Variants in SNURF observed in about 807,000 individuals in gnomAD.
SNURF encodes the protein SNRPN upstream open reading frame.
SNURF carries 6 observed loss-of-function variants against 11.6 expected under a neutral mutation model. That is an observed-to-expected ratio of 0.52 (90% CI 0.28 to 1.02). SNURF has a LOEUF of 1.02. SNURF is among the 50% of genes least tolerant of loss of function. SNURF has a pLI of 0.09. For synonymous variants in SNURF, 29 were observed against 31.6 expected, an observed-to-expected ratio of 0.92 and a Z score of 0.27; for missense variants, 84 against 88.4, an observed-to-expected ratio of 0.95 and a Z score of 0.20.
At chr15:24,972,071 C>T (rs576397969), downstream of SNURF, among the ~76,000 whole-genome samples, 5 of 151,978 alleles carry the variant, frequency 3.3e-5, no homozygotes, top group South Asian at 2.1e-4. Flanking sequence ...GCCTGGCCAA[C>T]GTAGCGAAAT....
intron 3 of SNURF, chr15:24,975,316 G>T (rs1276359990): frequency 6.4e-7 from 1 of 1,560,512 alleles, no homozygotes; most frequent in Admixed American, 1.7e-5. Flanking sequence ...GAAGACTAGG[G>T]TGTTGGCAAG....
chr15:24,963,133 C>T (rs28405709), intron 2 of SNURF, among the ~76,000 whole-genome samples: 5 of 152,086 alleles, frequency 3.3e-5, no homozygotes, highest in Non-Finnish European at 7.4e-5. Flanking sequence ...TGTGTGCATA[C>T]GACACCGTGC....
In SNURF at chr15:24,955,066, A is replaced by G; in HGVS notation, c.14+4A>G. The stretch of plus-strand genomic sequence containing the variant: ...GTGACGCGATGGAGCGGGCAAGGTC[A>G]GCTGTGCCGGTGGCTTCTCTCAAGA... On this transcript the variant is annotated splice_donor_region_variant and intron_variant, in intron 1 of 2. Transcript: ENST00000577949. 6.2e-7 allele frequency: 1 copy of G among 1,613,558 alleles called. No homozygotes were observed. Among genetic ancestry groups the G allele is most frequent in the Non-Finnish European group, 8.5e-7 (1 of 1,180,026 alleles).
chr15:24,965,013 T>C lies in SNURF; in HGVS notation c.110+2804T>C, dbSNP rs912162909. ...AGAGTTAGGGAAATAGTATAATTTT[T>C]CCCCCTTGTGCGTTTTCATTTTGAG... is the stretch of plus-strand genomic sequence containing the variant. On this transcript the variant is annotated intron_variant, in intron 2 of 2. Transcript: ENST00000577949. Among the ~76,000 whole-genome samples the C allele has an allele frequency of 9.2e-5, 14 of 152,254 alleles. No individual in the cohort carries two copies. The South Asian group carries it at 2.3e-3, about 25-fold the overall frequency.
At chr15:24,977,026 G>A in exon 6 of SNURF, 2 of 1,566,620 alleles carry the variant, frequency 1.3e-6, no homozygotes, top group Non-Finnish European at 1.7e-6. Flanking sequence ...GACCATCCCA[G>A]CAGGTGAGGA....
At chr15:24,958,131 T>G (rs2063217343) in intron 1 of SNURF, among the ~76,000 whole-genome samples, 1 of 152,220 alleles carries the variant, frequency 6.6e-6, no homozygotes, top group South Asian at 2.1e-4. Context: ...GCCGAAATGT[T>G]TTCCACATTT....
downstream of SNURF, among the ~76,000 whole-genome samples, chr15:24,969,231 T>C (rs2076086645): frequency 6.6e-6 from 1 of 152,162 alleles, no homozygotes; most frequent in South Asian, 2.1e-4. Context: ...CAGGTTCAAC[T>C]GATTTTCCTG....
intron 3 of SNURF, chr15:24,974,193 AG>A: frequency 2.0e-6 from 1 of 501,464 alleles, no homozygotes; most frequent in Admixed American, 3.4e-5. Context: ...TGAGGAAGCT[AG>A]TATGAGAGGA....
chr15:24,978,444 G>C, downstream of SNURF: 1 of 1,613,244 alleles, frequency 6.2e-7, no homozygotes, highest in Non-Finnish European at 8.5e-7. Flanking sequence ...CAAGACCTTA[G>C]CATACTGTTG....
chr15:24,966,871 C>T (rs934863467), intron 2 of SNURF, among the ~76,000 whole-genome samples: 1 of 152,156 alleles, frequency 6.6e-6, no homozygotes, highest in Non-Finnish European at 1.5e-5. Flanking sequence ...GCTGTCATTT[C>T]CTGTATGTCT....
intron 2 of SNURF, among the ~76,000 whole-genome samples, chr15:24,966,717 C>G (rs1362043922): frequency 1.3e-5 from 2 of 152,104 alleles, no homozygotes; most frequent in African/African-American, 4.8e-5. Flanking sequence ...GAACCAGGAG[C>G]AAAGGCCAGT....
chr15:24,971,719 A>G (rs1457187969), downstream of SNURF, among the ~76,000 whole-genome samples: 1 of 152,106 alleles, frequency 6.6e-6, no homozygotes, highest in Admixed American at 6.6e-5. Context: ...AAAAATTCCA[A>G]CCTCTGGCAT....
chr15:24,966,952 A>G (rs1003451290), intron 2 of SNURF: 9 of 152,122 alleles, frequency 5.9e-5, no homozygotes, highest in African/African-American at 2.2e-4. Flanking sequence ...TTTGTCTGGA[A>G]TTCCCTGCTT....
intron 4 of SNURF, among the ~76,000 whole-genome samples, chr15:24,976,051 A>G (rs2077023389): frequency 1.3e-5 from 2 of 152,230 alleles, no homozygotes; most frequent in Admixed American, 1.3e-4. Flanking sequence ...TATTTCACAA[A>G]AGAAATTAGT....
At chr15:24,969,079 C>T (rs188825203), downstream of SNURF, among the ~76,000 whole-genome samples, 610 of 152,016 alleles carry the variant, frequency 4.0e-3, 3 homozygotes, top group African/African-American at 0.014. Flanking sequence ...AAGTATTATC[C>T]TTCAACTTGA....
chr15:24,966,693 A>T (rs1398379971), intron 2 of SNURF, among the ~76,000 whole-genome samples: 1 of 152,206 alleles, frequency 6.6e-6, no homozygotes, highest in African/African-American at 2.4e-5. Flanking sequence ...TAGGATGTAT[A>T]GGTTACTTCC....
intron 3 of SNURF, chr15:24,974,170 G>A (rs1463599028): frequency 2.2e-6 from 1 of 447,514 alleles, no homozygotes; most frequent in African/African-American, 2.0e-5. Flanking sequence ...AGGGAAATGT[G>A]GCAGTCCCTT....
downstream of SNURF, chr15:24,977,997 C>G (rs987682859): frequency 1.4e-6 from 2 of 1,382,902 alleles, no homozygotes; most frequent in South Asian, 2.8e-5. Context: ...GCCTGAGAGC[C>G]TAAGAATTTG....
chr15:24,956,394 G>T (rs1320971248), intron 1 of SNURF, among the ~76,000 whole-genome samples: 3 of 151,060 alleles, frequency 2.0e-5, no homozygotes, highest in Non-Finnish European at 4.4e-5. Context: ...CCGCCAGTGG[G>T]GAGGGGGCAG....
Sources: allele counts gnomAD v4.1 joint callset (sites outside exome capture counted in the v4.1 genomes callset), GRCh38; gene constraint gnomAD v4.1.1; transcripts MANE v1.5; gene names NCBI Gene and HGNC (gene_info 2026-07-23, HGNC 2026-07-21).